Variants in ANKFN1 observed in about 807,000 individuals in gnomAD.
The protein encoded by ANKFN1 is ankyrin repeat and fibronectin type III domain containing 1, also known as ankyrin repeat and fibronectin type-III domain-containing protein 1.
In ANKFN1, 74 loss-of-function variants were observed where a neutral mutation model predicts 108.7. The ratio of observed to expected loss-of-function variants is 0.68; its 90% CI spans 0.56 to 0.83. The LOEUF is 0.83. ANKFN1 is among the 40% of genes least tolerant of loss of function. The pLI is 0.00. For missense variants in ANKFN1, 1,505 were observed against 1,382.3 expected (o/e 1.09, Z -1.41); for synonymous variants, 547 against 516.2 (o/e 1.06, Z -0.81).
intron 19 of ANKFN1, among the ~76,000 whole-genome samples, chr17:56,494,742 T>C (rs1332680143): frequency 6.6e-6 from 1 of 152,132 alleles, no homozygotes; most frequent in Non-Finnish European, 1.5e-5. Context: ...TCTAACGTTT[T>C]ATGACTTAAC....
rs2047425802 is a variant in ANKFN1, at chr17:56,391,286, TGTACACACACACACA to T, written c.910+16575_910+16589del. Among the ~76,000 whole-genome samples the T allele has an allele frequency of 4.1e-5, 6 of 144,756 alleles. No individual in the cohort carries two copies. In the South Asian group the frequency reaches 8.8e-4, roughly 21 times the overall value. 95.0% of individuals were successfully genotyped at this position (144,756 alleles called of 152,430 possible). ...GTGTGTGTACATATATATATGTATATGTACACACACACACAGTCTCGCTCTGTGTGTGTACATATA... is the reference window on the plus strand; with the variant it reads ...GTGTGTGTACATATATATATGTATATGTCTCGCTCTGTGTGTGTACATATA... On this transcript the variant is annotated intron_variant, in intron 8 of 20. Coordinates refer to ENST00000682825, the MANE Select transcript of ANKFN1 (RefSeq NM_001370326.1).
chr17:56,050,094 T>C (rs916667793), intron 4 of ANKFN1, among the ~76,000 whole-genome samples: 9 of 151,958 alleles, frequency 5.9e-5, no homozygotes, highest in Non-Finnish European at 1.3e-4. Context: ...CTAACTGGTG[T>C]GAGATGGTAT....
At chr17:56,062,559 CTTT>C (rs3085080) in intron 4 of ANKFN1, among the ~76,000 whole-genome samples, 1 of 134,514 alleles carries the variant, frequency 7.4e-6, no homozygotes, top group Non-Finnish European at 1.5e-5. Context: ...GTAATCTCTG[CTTT>C]TTTTTTTTTT....
rs774959331 is a variant in ANKFN1, at chr17:56,219,082, GTGTTTT to G, written c.12+6405_12+6410del. On this transcript the variant is annotated intron_variant, in intron 2 of 20. Transcript: ENST00000682825. ...ATGCCTCAATAATAAAATAATCACC[GTGTTTT>G]TATCAGCATTATACATCCAATACCT... Among the ~76,000 whole-genome samples, 481 of 152,028 alleles carry G rather than the reference GTGTTTT, an allele frequency of 3.2e-3. 3 individuals are homozygous for G. The highest frequency in any genetic ancestry group is 0.02 in the Middle Eastern group (6 of 294).
At chr17:56,165,251 G>C (rs941826441) in intron 1 of ANKFN1, among the ~76,000 whole-genome samples, 14 of 152,026 alleles carry the variant, frequency 9.2e-5, no homozygotes, top group African/African-American at 3.4e-4. Context: ...CTAGCTCATG[G>C]CTTACCAATT....
chr17:56,302,734 G>A (rs907203581), intron 3 of ANKFN1, among the ~76,000 whole-genome samples: 2 of 151,990 alleles, frequency 1.3e-5, no homozygotes, highest in East Asian at 1.9e-4. Context: ...TATTTTCTAC[G>A]CATAGGCTAC....
chr17:56,078,423 G>A (rs950161215), intron 4 of ANKFN1, among the ~76,000 whole-genome samples: 12 of 152,190 alleles, frequency 7.9e-5, no homozygotes, highest in African/African-American at 1.4e-4. Context: ...GGAAAAAAAT[G>A]GGGGAGCTCA....
Position 56,514,400 on chromosome 17 carries a change from C to CA in ANKFN1, c.*3132dup, listed in dbSNP as rs936657560. ...TAGAAGAGGCAGGAGCCTGTCTCCT[C>CA]AGCCAGGCAGACATAGTGCATGTTG... On this transcript the variant is annotated 3_prime_UTR_variant, in exon 21 of 21. Transcript: ENST00000682825. Among the ~76,000 whole-genome samples, 1 of 152,220 alleles carries CA rather than the reference C, an allele frequency of 6.6e-6. No individual in the cohort carries two copies. Among genetic ancestry groups the CA allele is most frequent in the African/African-American group, 2.4e-5 (1 of 41,452 alleles).
chr17:56,465,721 C>T (rs2050050060), intron 14 of ANKFN1, among the ~76,000 whole-genome samples: 1 of 152,168 alleles, frequency 6.6e-6, no homozygotes, highest in Non-Finnish European at 1.5e-5. Flanking sequence ...CCCTTCCTAC[C>T]TTCCTAAAAG....
At chr17:56,402,611 C>A (rs927602615) in intron 8 of ANKFN1, among the ~76,000 whole-genome samples, 3 of 151,996 alleles carry the variant, frequency 2.0e-5, no homozygotes, top group African/African-American at 7.2e-5. Flanking sequence ...AATAGTCCAT[C>A]AATTTTATTT....
chr17:56,371,656 G>C (rs1047988692), intron 6 of ANKFN1, among the ~76,000 whole-genome samples: 1 of 152,148 alleles, frequency 6.6e-6, no homozygotes, highest in African/African-American at 2.4e-5. Flanking sequence ...TTCCCATGCT[G>C]AGGCTCTTTT....
intron 3 of ANKFN1, among the ~76,000 whole-genome samples, chr17:56,240,779 T>C (rs1876694751): frequency 6.6e-6 from 1 of 152,116 alleles, no homozygotes; most frequent in African/African-American, 2.4e-5. Flanking sequence ...AAATTTCTAG[T>C]GAAATTGAGC....
intron 1 of ANKFN1, among the ~76,000 whole-genome samples, chr17:56,211,085 G>T (rs188102965): frequency 1.2e-4 from 18 of 152,260 alleles, no homozygotes; most frequent in African/African-American, 4.1e-4. Context: ...TTCTTTTGCT[G>T]TGCAGAAGCT....
At chr17:56,393,696 T>C (rs1196219726) in intron 8 of ANKFN1, among the ~76,000 whole-genome samples, 28 of 152,244 alleles carry the variant, frequency 1.8e-4, no homozygotes, top group Admixed American at 1.8e-3. Context: ...AGATGTGCTA[T>C]ACGTGATTTC....
chr17:56,230,911 A>G (rs1329209837), intron 3 of ANKFN1, among the ~76,000 whole-genome samples: 4 of 152,156 alleles, frequency 2.6e-5, no homozygotes, highest in Admixed American at 2.0e-4. Context: ...GGAAAAAGAA[A>G]GATTCCCTGG....
intron 3 of ANKFN1, among the ~76,000 whole-genome samples, chr17:56,316,714 G>A (rs1001780104): frequency 6.6e-6 from 1 of 152,138 alleles, no homozygotes; most frequent in Non-Finnish European, 1.5e-5. Context: ...GTGGAAGGAG[G>A]AGAGTTTTCT....
chr17:56,160,301 T>C (rs530311473), intron 1 of ANKFN1, among the ~76,000 whole-genome samples: 3 of 152,312 alleles, frequency 2.0e-5, no homozygotes, highest in African/African-American at 7.2e-5. Context: ...GAGAGAAAGG[T>C]AAATGATAAA....
At chr17:56,439,759 A>G (rs1228776078) in intron 8 of ANKFN1, among the ~76,000 whole-genome samples, 2 of 152,200 alleles carry the variant, frequency 1.3e-5, no homozygotes, top group African/African-American at 4.8e-5. Context: ...TCTCACTCAG[A>G]CCTTAAGAGA....
chr17:56,229,227 AT>A (rs1160796954), intron 3 of ANKFN1, among the ~76,000 whole-genome samples: 1 of 152,118 alleles, frequency 6.6e-6, no homozygotes, highest in Non-Finnish European at 1.5e-5. Flanking sequence ...TCTTTATTGC[AT>A]TATCAAGACA....
Sources: gnomAD v4.1 joint callset for allele counts (sites outside exome capture counted in the v4.1 genomes callset) on GRCh38, gnomAD v4.1.1 for gene constraint, MANE v1.5 for transcripts, NCBI Gene and HGNC (gene_info 2026-07-23, HGNC 2026-07-21) for gene names.